Variants in AGPAT4 observed in about 807,000 individuals in gnomAD.
AGPAT4 encodes 1-acylglycerol-3-phosphate O-acyltransferase 4.
A neutral mutation model predicts 48.0 loss-of-function variants in AGPAT4; 15 were observed. The ratio of observed to expected loss-of-function variants is 0.31; its 90% CI spans 0.21 to 0.48. The LOEUF (loss-of-function observed/expected upper bound fraction) is 0.48, where lower values mean the gene tolerates loss of function less well. AGPAT4 is among the 20% of genes least tolerant of loss of function. AGPAT4 has a pLI of 0.99. For synonymous variants in AGPAT4, 178 were observed against 198.7 expected (o/e 0.90, Z 0.88); for missense variants, 314 against 482.5 (o/e 0.65, Z 3.27).
At position 161,132,068 on chromosome 6, in the gene AGPAT4, C is replaced by T. The variant is rs545741315; in HGVS notation, c.*4472G>A. 6.6e-6 allele frequency: 1 copy of T among 151,336 alleles called. No individual in the cohort carries two copies. The highest frequency in any genetic ancestry group is 2.1e-4 in the South Asian group (1 of 4,818). 9.4% of individuals were successfully genotyped at this position (151,336 alleles called of 1,614,324 possible). ...GCTGGCTTGGGGGATCCTGTGATGA[C>T]TGGAACCTGGGCCTTCATTACGGGC... On this transcript the variant is annotated 3_prime_UTR_variant, in exon 9 of 9. Coordinates refer to ENST00000320285, the MANE Select transcript of AGPAT4 (RefSeq NM_020133.3).
chr6:161,235,097 G>A lies in AGPAT4; in HGVS notation c.-89-2795C>T, dbSNP rs1056911789. ...AGGCCCATTTCCTAGCCTGGTGTGG[G>A]GTGGTTGCATGTGGGCTTGAGAGTT... On this transcript the variant is annotated intron_variant, in intron 1 of 8. Coordinates refer to ENST00000320285, the MANE Select transcript of AGPAT4 (RefSeq NM_020133.3). This position sits in a 1 kb window ranked among gnomAD's most constrained non-coding sequence, Gnocchi z 6.2. 1.2e-4 allele frequency among the ~76,000 whole-genome samples: 18 copies of A among 151,920 alleles called. No homozygotes were observed. The highest frequency in any genetic ancestry group is 3.9e-4 in the African/African-American group (16 of 41,356).
Position 161,159,263 on chromosome 6 carries a change from G to GA in AGPAT4, c.349-4954dup, listed in dbSNP as rs1220512952. ...TATGGTGCATAAGCGCATCAGATTG[G>GA]AATCTTCAACCCAAGGCTGCTCTGT... On this transcript the variant is annotated intron_variant, in intron 3 of 8. Transcript: ENST00000320285. The surrounding 1 kb of genome is among the most constrained non-coding windows in gnomAD (Gnocchi z 4.1). Among the ~76,000 whole-genome samples the GA allele has an allele frequency of 6.6e-6, 1 of 152,176 alleles. No individual in the cohort carries two copies. The highest frequency in any genetic ancestry group is 1.5e-5 in the Non-Finnish European group (1 of 68,040).
At chr6:161,268,545 T>C (rs1426560078) in intron 1 of AGPAT4, among the ~76,000 whole-genome samples, 2 of 152,088 alleles carry the variant, frequency 1.3e-5, no homozygotes, top group African/African-American at 4.8e-5. Flanking sequence ...TAACATAAAA[T>C]TCAAAATGCA....
In AGPAT4 at chr6:161,259,447, C is replaced by CA. The variant is rs563799522; in HGVS notation, c.-90+14490dup. Among the ~76,000 whole-genome samples the CA allele has an allele frequency of 2.2e-3, 339 of 152,072 alleles. 1 individual carries two copies. The highest frequency in any genetic ancestry group is 3.8e-3 in the Non-Finnish European group (261 of 67,994). ...TGGTGATCACGGACTTTTGTAGAGC[C>CA]ACCCGGTCTTTTGCAGGGCGGTCTG... On this transcript the variant is annotated intron_variant, in intron 1 of 8. Transcript: ENST00000320285. The surrounding 1 kb of genome is among the most constrained non-coding windows in gnomAD (Gnocchi z 4.9).
rs1365077194 is a variant in AGPAT4, at chr6:161,197,430, C to T, written c.179-31013G>A. Among the ~76,000 whole-genome samples, 6 of 152,126 alleles carry T rather than the reference C, an allele frequency of 3.9e-5. No homozygotes were observed. Among genetic ancestry groups the T allele is most frequent in the Non-Finnish European group, 8.8e-5 (6 of 68,016 alleles). On this transcript the variant is annotated intron_variant, in intron 2 of 8. Transcript: ENST00000320285. The surrounding 1 kb of genome is among the most constrained non-coding windows in gnomAD (Gnocchi z 5.7). ...ATGGTAAATATTTTCAACATCTAAA[C>T]CTAGTTGGCCCCTCCTCTGGGAAAT...
chr6:161,165,787 T>A lies in AGPAT4; in HGVS notation c.348+461A>T. ...GCAGTTCACTCTCTCACTTATGGACTCAAAGTTCTTAAGCCTTCAACGATC... is the reference window on the plus strand; with the variant it reads ...GCAGTTCACTCTCTCACTTATGGACACAAAGTTCTTAAGCCTTCAACGATC... On this transcript the variant is annotated intron_variant, in intron 3 of 8. Transcript: ENST00000320285. This position sits in a 1 kb window ranked among gnomAD's most constrained non-coding sequence, Gnocchi z 5.5. 1.7e-6 allele frequency: 1 copy of A among 597,226 alleles called. No individual in the cohort carries two copies. Among genetic ancestry groups the A allele is most frequent in the Admixed American group, 2.2e-5 (1 of 44,488 alleles). 37.0% of individuals were successfully genotyped at this position (597,226 alleles called of 1,614,324 possible).
intron 1 of AGPAT4, among the ~76,000 whole-genome samples, chr6:161,260,224 G>A (rs113957207): frequency 1.1e-4 from 17 of 152,240 alleles, no homozygotes; most frequent in Middle Eastern, 3.4e-3. Context: ...TGCAGACAGC[G>A]TTTATGAAAG....
intron 1 of AGPAT4, among the ~76,000 whole-genome samples, chr6:161,248,550 G>T (rs1311307567): frequency 6.9e-6 from 1 of 144,744 alleles, no homozygotes; most frequent in East Asian, 2.0e-4. Context: ...CTCCAGCCTG[G>T]GTGACAGCGA....
In AGPAT4 at chr6:161,144,118, T is replaced by C. The variant is rs373051138; in HGVS notation, c.843+2406A>G. On this transcript the variant is annotated intron_variant, in intron 7 of 8. Coordinates refer to ENST00000320285, the MANE Select transcript of AGPAT4 (RefSeq NM_020133.3). The surrounding 1 kb of genome is among the most constrained non-coding windows in gnomAD (Gnocchi z 6.6). ...AATAGGCTGATACAGAAAGGAATTGTCCCTTGATGTCTATTCACCACTCTG... is the reference window on the plus strand; with the variant it reads ...AATAGGCTGATACAGAAAGGAATTGCCCCTTGATGTCTATTCACCACTCTG... 1 of 532,994 alleles carries C rather than the reference T, an allele frequency of 1.9e-6. No homozygotes were observed. Among genetic ancestry groups the C allele is most frequent in the African/African-American group, 1.9e-5 (1 of 51,922 alleles). 33.0% of individuals were successfully genotyped at this position (532,994 alleles called of 1,614,324 possible). A position where few individuals can be genotyped will look rare whatever the true frequency, so the allele number is the denominator to read the frequency against.
chr6:161,218,357 G>T lies in AGPAT4; in HGVS notation c.178+13679C>A, dbSNP rs1781713413. On this transcript the variant is annotated intron_variant, in intron 2 of 8. Transcript: ENST00000320285. This position sits in a 1 kb window ranked among gnomAD's most constrained non-coding sequence, Gnocchi z 4.7. Reference sequence around the variant, plus strand: ...AAATCAATGAAGAAGAAGTTGGGAAGAGATTACCAAATTACCAGAGCTCCC... The same window carrying T: ...AAATCAATGAAGAAGAAGTTGGGAATAGATTACCAAATTACCAGAGCTCCC... Among the ~76,000 whole-genome samples, 1 of 152,234 alleles carries T rather than the reference G, an allele frequency of 6.6e-6. No homozygotes were observed. Among genetic ancestry groups the T allele is most frequent in the Admixed American group, 6.5e-5 (1 of 15,286 alleles).
At chr6:161,163,586 G>T (rs1046367512) in intron 3 of AGPAT4, among the ~76,000 whole-genome samples, 11 of 152,192 alleles carry the variant, frequency 7.2e-5, no homozygotes, top group African/African-American at 2.7e-4. Flanking sequence ...GGTTCCCTGG[G>T]AGGGTACAGG....
At position 161,173,156 on chromosome 6, in the gene AGPAT4, C is replaced by A. The variant is rs182198669; in HGVS notation, c.179-6739G>T. On this transcript the variant is annotated intron_variant, in intron 2 of 8. Transcript: ENST00000320285. ...TGATTTATAATCCTTTGGGTATATA[C>A]CCAGTAACGGGATGGCTGGGTCAAA... Among the ~76,000 whole-genome samples the A allele has an allele frequency of 3.8e-3, 573 of 152,272 alleles. 2 individuals carry two copies. The highest frequency in any genetic ancestry group is 5.3e-3 in the Non-Finnish European group (361 of 68,040).
rs901202165 is a variant in AGPAT4 at position 161,168,369 on chromosome 6, C to T, written c.179-1952G>A. Among the ~76,000 whole-genome samples the T allele has an allele frequency of 3.3e-5, 5 of 152,204 alleles. No individual in the cohort carries two copies. The South Asian group carries it at 6.2e-4, about 19-fold the overall frequency. ...TGATGCTTCCAAGAGACTCACATTT[C>T]GTTTGTGTCACAGGCCAAATGCCTC... On this transcript the variant is annotated intron_variant, in intron 2 of 8. Coordinates refer to ENST00000320285, the MANE Select transcript of AGPAT4 (RefSeq NM_020133.3).
chr6:161,170,438 C>T (rs1780231412), intron 2 of AGPAT4, among the ~76,000 whole-genome samples: 1 of 150,936 alleles, frequency 6.6e-6, no homozygotes, highest in Admixed American at 6.6e-5. Context: ...TTCCCCTAGG[C>T]ATTTATACAC....
rs775277076 is a variant in AGPAT4, at chr6:161,139,528, C to A, written c.936G>T (p.Leu312=). 4 of 1,614,144 alleles carry A rather than the reference C, an allele frequency of 2.5e-6. No homozygotes were observed. In the East Asian group the frequency reaches 8.9e-5, roughly 36 times the overall value. ...PRRPWTLVNW[L]FWASLVLYPF... is the part of the protein sequence containing the mutation. ...GGTAGAGCACCAGCGAGGCCCAAAA[C>A]AGCCAGTTCACGAGGGTCCAGGGCC... is the stretch of plus-strand genomic sequence containing the variant. Residue 312 remains leucine (L), a synonymous_variant, in exon 8 of 9, where the codon CTG becomes CTT. Coordinates refer to ENST00000320285, the MANE Select transcript of AGPAT4 (RefSeq NM_020133.3). The surrounding 1 kb of genome is among the most constrained non-coding windows in gnomAD (Gnocchi z 9.1).
rs561718909 is a variant in AGPAT4, at chr6:161,212,607, T to C, written c.178+19429A>G. 6.6e-6 allele frequency among the ~76,000 whole-genome samples: 1 copy of C among 152,306 alleles called. No individual in the cohort carries two copies. Among genetic ancestry groups the C allele is most frequent in the South Asian group, 2.1e-4 (1 of 4,826 alleles). ...GTGTTCCAAAATCAGGGTAAACTCC[T>C]GTAATTCTAATATGACTTAATGTAC... On this transcript the variant is annotated intron_variant, in intron 2 of 8. Coordinates refer to ENST00000320285, the MANE Select transcript of AGPAT4 (RefSeq NM_020133.3). This position sits in a 1 kb window ranked among gnomAD's most constrained non-coding sequence, Gnocchi z 6.1.
intron 2 of AGPAT4, among the ~76,000 whole-genome samples, chr6:161,211,313 C>T (rs1781516250): frequency 6.6e-6 from 1 of 151,960 alleles, no homozygotes; most frequent in South Asian, 2.1e-4. Flanking sequence ...ACATTCTCTC[C>T]AAAAACAAAG....
chr6:161,176,565 G>T (rs1181635146), intron 2 of AGPAT4, among the ~76,000 whole-genome samples: 1 of 152,122 alleles, frequency 6.6e-6, no homozygotes, highest in African/African-American at 2.4e-5. Context: ...CCTGAATACA[G>T]CACACTGATG....
At chr6:161,247,830 A>G (rs1370530920) in intron 1 of AGPAT4, among the ~76,000 whole-genome samples, 1 of 151,908 alleles carries the variant, frequency 6.6e-6, no homozygotes, top group Non-Finnish European at 1.5e-5. Flanking sequence ...TAAAATACAA[A>G]AATTAGTCAG....
Sources: allele counts gnomAD v4.1 joint callset (sites outside exome capture counted in the v4.1 genomes callset), GRCh38; gene constraint gnomAD v4.1.1; non-coding constraint Gnocchi (gnomAD v3.1); transcripts MANE v1.5; gene names NCBI Gene and HGNC (gene_info 2026-07-23, HGNC 2026-07-21).